The following ANKS1B variants were observed in gnomAD, a reference collection of about 807,000 sequenced individuals.
The protein encoded by ANKS1B is ankyrin repeat and sterile alpha motif domain containing 1B, also known as ankyrin repeat and sterile alpha motif domain-containing protein 1B.
Under a neutral mutation model 148.3 loss-of-function variants are expected in ANKS1B, and 36 were observed. The ratio of observed to expected loss-of-function variants is 0.24; its 90% CI spans 0.19 to 0.32. The LOEUF is 0.32. Ranked by LOEUF, ANKS1B falls within the 10% of genes least tolerant of loss-of-function variation. The probability of loss-of-function intolerance (pLI) is 1.00; values close to 1 mark genes in which losing one functional copy is unlikely to be tolerated. For missense variants in ANKS1B, 1,157 were observed against 1,542.6 expected, an observed-to-expected ratio of 0.75 and a Z score of 4.19; for synonymous variants, 542 against 560.8, an observed-to-expected ratio of 0.97 and a Z score of 0.47.
chr12:99,710,971 C>T (rs1313980627), intron 8 of ANKS1B, among the ~76,000 whole-genome samples: 1 of 152,050 alleles, frequency 6.6e-6, no homozygotes, highest in Non-Finnish European at 1.5e-5. Flanking sequence ...CCTCCTATCA[C>T]CCAGGCTGAA....
At chr12:99,247,601 T>C (rs1218419633) in intron 12 of ANKS1B, among the ~76,000 whole-genome samples, 1 of 152,206 alleles carries the variant, frequency 6.6e-6, no homozygotes, top group African/African-American at 2.4e-5. Flanking sequence ...TCTTTGAAGA[T>C]GTAATGCAGA....
chr12:99,617,916 T>C (rs979146147), intron 9 of ANKS1B, among the ~76,000 whole-genome samples: 1 of 152,088 alleles, frequency 6.6e-6, no homozygotes, highest in Admixed American at 6.6e-5. Context: ...TTAAATCACA[T>C]CAATATTTGT....
At chr12:99,950,045 A>G (rs1354508814) in intron 1 of ANKS1B, among the ~76,000 whole-genome samples, 1 of 151,836 alleles carries the variant, frequency 6.6e-6, no homozygotes. Context: ...ACTGCAGGCT[A>G]AAGCAATTCT....
At chr12:99,797,859 A>C (rs2066440252) in intron 4 of ANKS1B, among the ~76,000 whole-genome samples, 1 of 151,968 alleles carries the variant, frequency 6.6e-6, no homozygotes, top group African/African-American at 2.4e-5. Context: ...TCGCAAGCAA[A>C]AGGGAGAGAA....
intron 8 of ANKS1B, among the ~76,000 whole-genome samples, chr12:99,740,341 C>CA (rs71088147): frequency 6.6e-6 from 1 of 151,518 alleles, no homozygotes; most frequent in South Asian, 2.1e-4. Flanking sequence ...AAACAAAAAA[C>CA]AAAAAAACTA....
chr12:99,910,754 CTA>C (rs1314481114), intron 1 of ANKS1B, among the ~76,000 whole-genome samples: 3 of 152,016 alleles, frequency 2.0e-5, no homozygotes, highest in Non-Finnish European at 2.9e-5. Flanking sequence ...ACGCAACAGT[CTA>C]TGTGTACACA....
chr12:98,971,737 G>C (rs2099883303), intron 17 of ANKS1B, among the ~76,000 whole-genome samples: 5 of 152,198 alleles, frequency 3.3e-5, no homozygotes, highest in African/African-American at 9.6e-5. Flanking sequence ...CTATGTTACA[G>C]ATGTCCCTCT....
rs935953605 is a variant in ANKS1B, at chr12:99,775,606, A to G, written c.903T>C (p.Asp301=). The change falls in exon 7 of 27, where the codon GAT becomes GAC. Residue 301 remains aspartate (D), a synonymous_variant. Transcript: ENST00000683438. ...STVLEEPVQE[D]ATQETHISSP... ...ATGAAATGTGTGTTTCTTGTGTTGC[A>G]TCTTCCTGTACAGGCTCTTCGAGGA... 3.1e-6 allele frequency: 5 copies of G among 1,613,110 alleles called. No individual in the cohort carries two copies. The African/African-American group carries it at 4.0e-5, about 13-fold the overall frequency.
At chr12:99,468,906 G>C (rs1264466951) in intron 10 of ANKS1B, among the ~76,000 whole-genome samples, 1 of 152,092 alleles carries the variant, frequency 6.6e-6, no homozygotes, top group Non-Finnish European at 1.5e-5. Context: ...TCTAGAACTA[G>C]AAATACCATT....
intron 17 of ANKS1B, among the ~76,000 whole-genome samples, chr12:98,980,346 A>G (rs1228499591): frequency 6.6e-6 from 1 of 152,008 alleles, no homozygotes; most frequent in Non-Finnish European, 1.5e-5. Flanking sequence ...GACTACAGGC[A>G]CCCGCCACCA....
chr12:99,538,203 TTTG>T (rs1488943644), intron 9 of ANKS1B, among the ~76,000 whole-genome samples: 1 of 152,148 alleles, frequency 6.6e-6, no homozygotes, highest in Non-Finnish European at 1.5e-5. Context: ...TTCCTCCAGT[TTTG>T]TTCTTTTTGC....
At chr12:99,686,464 G>A (rs1433193046) in intron 8 of ANKS1B, among the ~76,000 whole-genome samples, 9 of 152,082 alleles carry the variant, frequency 5.9e-5, no homozygotes, top group Non-Finnish European at 1.2e-4. Flanking sequence ...CATGCTGCTG[G>A]GCAGAGCTCT....
At chr12:98,980,319 G>C (rs977403018) in intron 17 of ANKS1B, among the ~76,000 whole-genome samples, 12 of 152,174 alleles carry the variant, frequency 7.9e-5, no homozygotes, top group African/African-American at 2.9e-4. Flanking sequence ...TCCTACCTCA[G>C]CCTCCCGAGT....
intron 1 of ANKS1B, among the ~76,000 whole-genome samples, chr12:99,924,581 G>C (rs1407325440): frequency 6.6e-6 from 1 of 152,082 alleles, no homozygotes; most frequent in Non-Finnish European, 1.5e-5. Flanking sequence ...CAAGATAATG[G>C]TATTAAGAGG....
chr12:99,408,868 T>C (rs1298230456), intron 11 of ANKS1B, among the ~76,000 whole-genome samples: 2 of 145,722 alleles, frequency 1.4e-5, no homozygotes, highest in African/African-American at 2.6e-5. Context: ...GGCAAGGATG[T>C]AGAGAAAATG....
chr12:99,670,155 C>A (rs946823344), intron 8 of ANKS1B, among the ~76,000 whole-genome samples: 1 of 152,122 alleles, frequency 6.6e-6, no homozygotes, highest in Non-Finnish European at 1.5e-5. Context: ...TTAGACCTTT[C>A]TTCACTTCTT....
In ANKS1B at chr12:99,800,243, G is replaced by C. The variant is rs140318972; in HGVS notation, c.669+6161C>G. On this transcript the variant is annotated intron_variant, in intron 4 of 26. Transcript: ENST00000683438. ...ACTCTCTCTCCATTCACGCACAGAA[G>C]AAAGGCCGTGTGAGGATATAACAAG... is the stretch of plus-strand genomic sequence containing the variant. 2.9e-3 allele frequency among the ~76,000 whole-genome samples: 435 copies of C among 152,046 alleles called. 6 individuals are homozygous for C. Among genetic ancestry groups the C allele is most frequent in the African/African-American group, 9.7e-3 (404 of 41,484 alleles).
chr12:99,169,891 C>A (rs555884248), intron 14 of ANKS1B, among the ~76,000 whole-genome samples: 4 of 152,264 alleles, frequency 2.6e-5, no homozygotes, highest in Non-Finnish European at 5.9e-5. Context: ...CTACTCTATG[C>A]CGCTTCTGTG....
At chr12:99,123,618 T>A (rs944023122) in intron 15 of ANKS1B, among the ~76,000 whole-genome samples, 1 of 152,142 alleles carries the variant, frequency 6.6e-6, no homozygotes, top group African/African-American at 2.4e-5. Flanking sequence ...CAGCTTTCAG[T>A]CTGTGGCCTA....
Sources: allele counts gnomAD v4.1 joint callset (sites outside exome capture counted in the v4.1 genomes callset), GRCh38; gene constraint gnomAD v4.1.1; transcripts MANE v1.5; gene names NCBI Gene and HGNC (gene_info 2026-07-23, HGNC 2026-07-21).